The following NKD1 variants were observed in gnomAD, a reference collection of about 807,000 sequenced individuals.
The protein encoded by NKD1 is protein naked cuticle homolog 1.
In NKD1, 21 loss-of-function variants were observed where a neutral mutation model predicts 56.0. The observed-to-expected ratio is 0.38, with a 90% CI of 0.27 to 0.54. The LOEUF (loss-of-function observed/expected upper bound fraction) is 0.54, where lower values mean the gene tolerates loss of function less well. Among genes scored for constraint, NKD1 ranks in the 20% least tolerant of loss-of-function variants. The pLI is 0.82. For synonymous variants in NKD1, 263 were observed against 265.7 expected (o/e 0.99, Z 0.10); for missense variants, 578 against 642.7 (o/e 0.90, Z 1.09).
intron 5 of NKD1, among the ~76,000 whole-genome samples, chr16:50,624,602 G>C (rs1962168388): frequency 6.6e-6 from 1 of 152,240 alleles, no homozygotes; most frequent in Non-Finnish European, 1.5e-5. Flanking sequence ...GGAGCAGGCA[G>C]TGTGTAGGGG....
chr16:50,559,765 G>A (rs1165456661), intron 3 of NKD1, among the ~76,000 whole-genome samples: 2 of 152,054 alleles, frequency 1.3e-5, no homozygotes, highest in Non-Finnish European at 2.9e-5. Flanking sequence ...ACCCTGGAGC[G>A]GATTGGCTGG....
chr16:50,600,088 G>A (rs1961560911), intron 3 of NKD1, among the ~76,000 whole-genome samples: 1 of 152,144 alleles, frequency 6.6e-6, no homozygotes, highest in South Asian at 2.1e-4. Context: ...CACTGTGGGG[G>A]CCAGGGGGTA....
At position 50,548,487 on chromosome 16, in the gene NKD1, A is replaced by G. The variant is rs1381402666; in HGVS notation, c.-67A>G. The G allele has an allele frequency of 5.4e-6, 7 of 1,296,634 alleles. No individual in the cohort carries two copies. The highest frequency in any genetic ancestry group is 3.2e-5 in the Admixed American group (1 of 31,530). The allele number at this position is 1,296,634 out of a possible 1,614,324, so 80.3% of individuals were successfully genotyped here. On this transcript the variant is annotated 5_prime_UTR_variant, in exon 1 of 10. Transcript: ENST00000268459. ...GGCTGCTTCGGGAGGAGGAGAGCCA[A>G]GGGAGGCGCCAGGCCCGCGGGCCGG...
chr16:50,574,533 C>T lies in NKD1; in HGVS notation c.192+24978C>T, dbSNP rs568901253. ...CTGGTGGCCGAGGCCCAGGCACGGCCGAATGGCAGTGCAGCGTGGTCTCGC... is the reference window on the plus strand; with the variant it reads ...CTGGTGGCCGAGGCCCAGGCACGGCTGAATGGCAGTGCAGCGTGGTCTCGC... On this transcript the variant is annotated intron_variant, in intron 3 of 9. Coordinates refer to ENST00000268459, the MANE Select transcript of NKD1 (RefSeq NM_033119.5). The T allele has an allele frequency of 1.4e-5, 14 of 985,396 alleles. No homozygotes were observed. In the East Asian group the frequency reaches 3.4e-4, roughly 24 times the overall value. 61.0% of individuals were successfully genotyped at this position (985,396 alleles called of 1,614,324 possible).
chr16:50,627,363 A>G (rs1285160890), intron 6 of NKD1, among the ~76,000 whole-genome samples: 1 of 152,014 alleles, frequency 6.6e-6, no homozygotes, highest in African/African-American at 2.4e-5. Flanking sequence ...GACAGTTTCA[A>G]CCTGCGTTGT....
At chr16:50,620,412 A>C (rs1009034549) in intron 4 of NKD1, among the ~76,000 whole-genome samples, 6 of 152,270 alleles carry the variant, frequency 3.9e-5, no homozygotes, top group African/African-American at 1.2e-4. Context: ...CAGGCTGCTG[A>C]CTTCCCAAGA....
intron 2 of NKD1, 109 bp downstream of exon 2, chr16:50,548,858 C>T (rs1960301074): frequency 7.4e-6 from 9 of 1,215,648 alleles, no homozygotes; most frequent in Non-Finnish European, 1.1e-6. Context: ...CCCGAAGCCC[C>T]AGTTCCGGCC....
At chr16:50,569,083 C>A (rs1392199142) in intron 3 of NKD1, among the ~76,000 whole-genome samples, 1 of 152,192 alleles carries the variant, frequency 6.6e-6, no homozygotes, top group Admixed American at 6.5e-5. Context: ...AGCTTTGGAA[C>A]AGCATCCAGG....
chr16:50,573,827 T>C, intron 3 of NKD1: 2 of 985,298 alleles, frequency 2.0e-6, no homozygotes, highest in Non-Finnish European at 2.4e-6. Context: ...CGGAAACGGG[T>C]TGGGCTGGCC....
At chr16:50,611,610 G>A (rs1206523744) in intron 4 of NKD1, among the ~76,000 whole-genome samples, 2 of 152,176 alleles carry the variant, frequency 1.3e-5, no homozygotes, top group Non-Finnish European at 2.9e-5. Flanking sequence ...CTGAGGCCTG[G>A]TGGGGGCTGA....
intron 4 of NKD1, among the ~76,000 whole-genome samples, chr16:50,609,732 TACTC>T (rs1211004518): frequency 2.6e-5 from 4 of 152,266 alleles, no homozygotes; most frequent in South Asian, 2.1e-4. Flanking sequence ...TGTTTGAAGA[TACTC>T]ACTCCGTTGC....
intron 4 of NKD1, chr16:50,616,101 A>G (rs1309817691): frequency 4.4e-6 from 2 of 455,758 alleles, no homozygotes; most frequent in African/African-American, 2.0e-5. Context: ...CCCTGAGACT[A>G]AAATATTTGC....
At chr16:50,554,705 C>T (rs2151262085) in intron 3 of NKD1, among the ~76,000 whole-genome samples, 1 of 152,246 alleles carries the variant, frequency 6.6e-6, no homozygotes, top group Non-Finnish European at 1.5e-5. Context: ...CGTCATAGCT[C>T]ACTGTGGCCT....
At chr16:50,566,773 C>G (rs1477796962) in intron 3 of NKD1, among the ~76,000 whole-genome samples, 1 of 152,182 alleles carries the variant, frequency 6.6e-6, no homozygotes, top group Non-Finnish European at 1.5e-5. Context: ...GGTGGTTTGC[C>G]ACCTCCTCCA....
chr16:50,626,722 A>C (rs1438928877), intron 6 of NKD1, among the ~76,000 whole-genome samples: 1 of 152,150 alleles, frequency 6.6e-6, no homozygotes, highest in South Asian at 2.1e-4. Flanking sequence ...ACACTTCCTC[A>C]TTCCTTTTCC....
rs2151267210 is a variant in NKD1 at position 50,573,272 on chromosome 16, C to G, written c.192+23717C>G. On this transcript the variant is annotated intron_variant, in intron 3 of 9. Coordinates refer to ENST00000268459, the MANE Select transcript of NKD1 (RefSeq NM_033119.5). ...CACAATCTCAATCCCTGTGGTGCCC[C>G]CCTGCACCCTGTCTGGTCTCCAGGT... Among the ~76,000 whole-genome samples, 2 of 152,354 alleles carry G rather than the reference C, an allele frequency of 1.3e-5. 1 individual carries two copies. Among genetic ancestry groups the G allele is most frequent in the Admixed American group, 1.3e-4 (2 of 15,302 alleles).
intron 3 of NKD1, chr16:50,575,173 C>CA: frequency 1.0e-6 from 1 of 985,178 alleles, no homozygotes; most frequent in Non-Finnish European, 1.2e-6. Flanking sequence ...CCTAGTAACC[C>CA]AGATTTTCGC....
chr16:50,618,843 G>A (rs1962023455), intron 4 of NKD1, among the ~76,000 whole-genome samples: 2 of 152,196 alleles, frequency 1.3e-5, no homozygotes, highest in African/African-American at 4.8e-5. Flanking sequence ...GGCCACACTG[G>A]TCTTTGGGGA....
intron 3 of NKD1, chr16:50,571,417 C>A: frequency 1.1e-6 from 1 of 911,146 alleles, no homozygotes; most frequent in Non-Finnish European, 1.3e-6. Flanking sequence ...TGGTAGGGAC[C>A]TTGGGAGTTT....
Sources: gnomAD v4.1 joint callset for allele counts (sites outside exome capture counted in the v4.1 genomes callset) on GRCh38, gnomAD v4.1.1 for gene constraint, MANE v1.5 for transcripts, NCBI Gene and HGNC (gene_info 2026-07-23, HGNC 2026-07-21) for gene names.